The following NCKAP5 variants were observed in gnomAD, a reference collection of about 807,000 sequenced individuals.
The protein encoded by NCKAP5 is nck-associated protein 5.
In NCKAP5, 92 loss-of-function variants were observed where a neutral mutation model predicts 167.0. The ratio of observed to expected loss-of-function variants is 0.55; its 90% CI spans 0.47 to 0.66. The LOEUF is 0.66. Ranked by LOEUF, NCKAP5 falls within the 30% of genes least tolerant of loss-of-function variation. The pLI is 0.00. For synonymous variants in NCKAP5, 891 were observed against 877.4 expected, an observed-to-expected ratio of 1.02 and a Z score of -0.27; for missense variants, 2,378 against 2,315.0, an observed-to-expected ratio of 1.03 and a Z score of -0.56.
chr2:132,716,590 TG>T (rs1469203989), intron 19 of NCKAP5, among the ~76,000 whole-genome samples: 1 of 151,502 alleles, frequency 6.6e-6, no homozygotes, highest in African/African-American at 2.4e-5. Flanking sequence ...GGGGTAACAC[TG>T]GGGGTTCGGT....
chr2:132,720,320 C>G (rs970908295), intron 19 of NCKAP5, among the ~76,000 whole-genome samples: 2 of 152,214 alleles, frequency 1.3e-5, no homozygotes, highest in African/African-American at 4.8e-5. Context: ...CCTGCTCCCC[C>G]CACTGACTCT....
chr2:133,618,253 T>G, the NCKAP5 span, among the ~76,000 whole-genome samples: 24 of 151,246 alleles, frequency 1.6e-4, no homozygotes, highest in African/African-American at 5.6e-4. Flanking sequence ...GGCAAGGACT[T>G]CATGTCTAAA....
At chr2:133,349,170 T>C (rs1345642566) in intron 3 of NCKAP5, among the ~76,000 whole-genome samples, 2 of 152,222 alleles carry the variant, frequency 1.3e-5, no homozygotes, top group Non-Finnish European at 2.9e-5. Flanking sequence ...TCAAGGCCTA[T>C]ATTCCCCCAT....
chr2:133,236,865 G>T (rs2087445531), intron 4 of NCKAP5, among the ~76,000 whole-genome samples: 1 of 151,908 alleles, frequency 6.6e-6, no homozygotes, highest in Non-Finnish European at 1.5e-5. Flanking sequence ...GGAAACACAG[G>T]GTTTCAACTC....
chr2:133,351,409 G>A (rs1188171669), intron 3 of NCKAP5, among the ~76,000 whole-genome samples: 1 of 152,020 alleles, frequency 6.6e-6, no homozygotes, highest in African/African-American at 2.4e-5. Context: ...TTTTTCATCT[G>A]TAAATAGTAG....
At chr2:133,594,216 G>A in the NCKAP5 span, among the ~76,000 whole-genome samples, 2 of 152,302 alleles carry the variant, frequency 1.3e-5, no homozygotes, top group African/African-American at 2.4e-5. Flanking sequence ...TTGATGGTTA[G>A]GTGGCTGGGT....
At chr2:133,467,962 C>G (rs1364200682) in intron 3 of NCKAP5, among the ~76,000 whole-genome samples, 1 of 124,090 alleles carries the variant, frequency 8.1e-6, no homozygotes, top group Non-Finnish European at 1.7e-5. Context: ...AAAAAACCAG[C>G]TCCTGGATTC....
chr2:133,556,558 A>AT (rs1193753457), intron 2 of NCKAP5, among the ~76,000 whole-genome samples: 2 of 152,194 alleles, frequency 1.3e-5, no homozygotes, highest in African/African-American at 2.4e-5. Context: ...TTCAGTGTAG[A>AT]TTGTACACTA....
At position 133,049,358 on chromosome 2, in the gene NCKAP5, A is replaced by T. The variant is rs185787983; in HGVS notation, c.342-55119T>A. Among the ~76,000 whole-genome samples, 10 of 152,204 alleles carry T rather than the reference A, an allele frequency of 6.6e-5. No individual in the cohort carries two copies. In the East Asian group the frequency reaches 1.9e-3, roughly 29 times the overall value. On this transcript the variant is annotated intron_variant, in intron 6 of 19. Coordinates refer to ENST00000409261, the MANE Select transcript of NCKAP5 (RefSeq NM_207363.3). ...CAGGAGATTGAGAGCATCCTGGCTA[A>T]CACAGTGAAACCCCGTCTCTACTAA...
the NCKAP5 span, among the ~76,000 whole-genome samples, chr2:133,585,561 T>C: frequency 0.026 from 4,025 of 152,342 alleles, 62 homozygotes; most frequent in African/African-American, 0.038. Flanking sequence ...CAAAATATCA[T>C]TTTGTCATGG....
chr2:133,436,405 T>A (rs1690482569), intron 3 of NCKAP5, among the ~76,000 whole-genome samples: 1 of 152,204 alleles, frequency 6.6e-6, no homozygotes, highest in Admixed American at 6.5e-5. Flanking sequence ...TGGCTCTAGT[T>A]TTTTTGCACC....
At chr2:132,699,447 T>A (rs1253162249) in intron 19 of NCKAP5, among the ~76,000 whole-genome samples, 2 of 152,136 alleles carry the variant, frequency 1.3e-5, no homozygotes, top group African/African-American at 2.4e-5. Flanking sequence ...GTCCTTTACA[T>A]TAGGTATATC....
At chr2:133,439,246 G>A (rs1479505879) in intron 3 of NCKAP5, among the ~76,000 whole-genome samples, 1 of 152,154 alleles carries the variant, frequency 6.6e-6, no homozygotes, top group Non-Finnish European at 1.5e-5. Flanking sequence ...AACTGTGAAA[G>A]GGGAGGATTT....
chr2:132,815,672 C>T (rs1352691075), intron 11 of NCKAP5, among the ~76,000 whole-genome samples: 1 of 152,136 alleles, frequency 6.6e-6, no homozygotes, highest in Non-Finnish European at 1.5e-5. Context: ...CATTGTGTAA[C>T]ATGTGAATTA....
intron 3 of NCKAP5, among the ~76,000 whole-genome samples, chr2:133,412,508 C>T (rs1012369019): frequency 3.9e-5 from 6 of 152,196 alleles, no homozygotes; most frequent in Non-Finnish European, 7.3e-5. Context: ...TTCAGACTCA[C>T]AAGGCTCAGG....
the NCKAP5 span, among the ~76,000 whole-genome samples, chr2:133,665,268 C>A: frequency 6.2e-4 from 94 of 152,334 alleles, no homozygotes; most frequent in African/African-American, 2.2e-3. Context: ...ATGCCTTTTT[C>A]ACTAAGCTTA....
At chr2:133,516,152 A>C (rs193140596) in intron 3 of NCKAP5, among the ~76,000 whole-genome samples, 330 of 152,308 alleles carry the variant, frequency 2.2e-3, no homozygotes, top group African/African-American at 7.7e-3. Flanking sequence ...CCCTATTGGC[A>C]TGCTGATATG....
chr2:133,276,901 T>C (rs555483350), intron 4 of NCKAP5, among the ~76,000 whole-genome samples: 1 of 152,130 alleles, frequency 6.6e-6, no homozygotes, highest in Admixed American at 6.6e-5. Context: ...CTTTAGTATA[T>C]GACACCCTGT....
At chr2:132,710,612 A>G (rs1372809939) in intron 19 of NCKAP5, among the ~76,000 whole-genome samples, 1 of 152,232 alleles carries the variant, frequency 6.6e-6, no homozygotes, top group Admixed American at 6.5e-5. Flanking sequence ...AAGGGAAAGT[A>G]TAATTTGACA....
Sources: gnomAD v4.1 joint callset for allele counts (sites outside exome capture counted in the v4.1 genomes callset) on GRCh38, gnomAD v4.1.1 for gene constraint, MANE v1.5 for transcripts, NCBI Gene and HGNC (gene_info 2026-07-23, HGNC 2026-07-21) for gene names.